Variants in ARHGEF28 observed in about 807,000 individuals in gnomAD.
ARHGEF28 encodes the protein Rho guanine nucleotide exchange factor 28.
ARHGEF28 carries 152 observed loss-of-function variants against 206.6 expected under a neutral mutation model. The ratio of observed to expected loss-of-function variants is 0.74; its 90% CI spans 0.64 to 0.84. ARHGEF28 has a LOEUF of 0.84. Among genes scored for constraint, ARHGEF28 ranks in the 40% least tolerant of loss-of-function variants. The pLI is 0.00. For missense variants in ARHGEF28, 2,028 were observed against 2,073.2 expected (o/e 0.98, Z 0.42); for synonymous variants, 763 against 776.4 (o/e 0.98, Z 0.29).
At chr5:73,671,982 C>A (rs954734471) in intron 1 of ARHGEF28, among the ~76,000 whole-genome samples, 2 of 151,408 alleles carry the variant, frequency 1.3e-5, no homozygotes, top group African/African-American at 4.9e-5. Flanking sequence ...GTCTTGAACT[C>A]CTGACCTCAG....
intron 2 of ARHGEF28, among the ~76,000 whole-genome samples, chr5:73,739,530 A>G (rs941777736): frequency 1.3e-5 from 2 of 152,178 alleles, no homozygotes; most frequent in Non-Finnish European, 2.9e-5. Flanking sequence ...TTAAAAAACA[A>G]ACCTGGGGCT....
chr5:73,914,391 C>CTTTTT (rs571265796), intron 35 of ARHGEF28, among the ~76,000 whole-genome samples: 11 of 102,934 alleles, frequency 1.1e-4, no homozygotes, highest in South Asian at 3.3e-4. Context: ...TTCTGAATTG[C>CTTTTT]TTTTTTTTTT....
At chr5:73,916,751 A>G (rs909896665) in intron 35 of ARHGEF28, among the ~76,000 whole-genome samples, 5 of 152,062 alleles carry the variant, frequency 3.3e-5, no homozygotes, top group Admixed American at 1.3e-4. Flanking sequence ...CAAAATGATG[A>G]TTTTTCTCCC....
chr5:73,719,873 G>A (rs577511992), intron 2 of ARHGEF28, among the ~76,000 whole-genome samples: 4 of 152,222 alleles, frequency 2.6e-5, no homozygotes, highest in South Asian at 2.1e-4. Flanking sequence ...TGTAATCGAG[G>A]CAAGGCAGTT....
In ARHGEF28 at chr5:73,820,739, G is replaced by C. The variant is rs370601080; in HGVS notation, c.1025-11599G>C. Among the ~76,000 whole-genome samples, 56 of 152,288 alleles carry C rather than the reference G, an allele frequency of 3.7e-4. 2 individuals carry two copies. Among genetic ancestry groups the C allele is most frequent in the African/African-American group, 1.3e-3 (54 of 41,550 alleles). ...ATGGTGGGCTTCATGGCAGGCCACAGGTGCTCAATTCAGGCCACTTCGTGT... is the reference window on the plus strand; with the variant it reads ...ATGGTGGGCTTCATGGCAGGCCACACGTGCTCAATTCAGGCCACTTCGTGT... On this transcript the variant is annotated intron_variant, in intron 9 of 35. Transcript: ENST00000513042.
At chr5:73,632,747 A>AT (rs1743446895) in intron 1 of ARHGEF28, among the ~76,000 whole-genome samples, 1 of 152,138 alleles carries the variant, frequency 6.6e-6, no homozygotes, top group Non-Finnish European at 1.5e-5. Flanking sequence ...ACATATTCCA[A>AT]TTCACTATTT....
intron 9 of ARHGEF28, among the ~76,000 whole-genome samples, chr5:73,823,067 T>C (rs1756692793): frequency 6.7e-6 from 1 of 149,520 alleles, no homozygotes; most frequent in Non-Finnish European, 1.5e-5. Context: ...GGAGATTGTA[T>C]ATGCAGCAGC....
rs1323354715 is a variant in ARHGEF28, at chr5:73,864,826, C to G, written c.2057C>G (p.Ala686Gly). ...TTTCCCTTTATTTCAGACTGTAATG[C>G]AAATGTGCACAAAGGTTGTAAAGAT... ...KESLQCSNCNANVHKGCKDAA... is the reference protein window; with the variant it reads ...KESLQCSNCNGNVHKGCKDAA... The change falls in exon 17 of 36, where the codon GCA becomes GGA. Residue 686 changes from alanine (A) to glycine (G), a missense_variant. By Grantham distance (60) the Ala-to-Gly change is moderately conservative. Around this residue, in one of 3 missense-constraint regions of ARHGEF28, gnomAD observed 1,002 missense variants for 1,015.3 expected, o/e 0.99. Transcript: ENST00000513042. 6.2e-7 allele frequency: 1 copy of G among 1,612,532 alleles called. No individual in the cohort carries two copies. The highest frequency in any genetic ancestry group is 1.3e-5 in the African/African-American group (1 of 74,866).
At chr5:73,687,667 A>G (rs964469303) in intron 2 of ARHGEF28, among the ~76,000 whole-genome samples, 4 of 151,910 alleles carry the variant, frequency 2.6e-5, no homozygotes, top group African/African-American at 9.7e-5. Context: ...TTTGGTAAAT[A>G]TTCACTTCTA....
At chr5:73,764,450 C>T (rs537572156) in intron 4 of ARHGEF28, among the ~76,000 whole-genome samples, 1 of 152,288 alleles carries the variant, frequency 6.6e-6, no homozygotes, top group East Asian at 1.9e-4. Flanking sequence ...TAAAGTATAT[C>T]TTGCCAATAT....
At chr5:73,626,999 A>G (rs1743053107) in intron 1 of ARHGEF28, 1 of 152,258 alleles carries the variant, frequency 6.6e-6, no homozygotes, top group Admixed American at 6.5e-5. Context: ...GTGTTTGGCC[A>G]AGAAAGCACC....
At chr5:73,940,693 C>T (rs557911446) in intron 35 of ARHGEF28, 151 bp from the exon 36 acceptor site, 198 of 512,248 alleles carry the variant, frequency 3.9e-4, no homozygotes, top group Non-Finnish European at 5.6e-4. Flanking sequence ...GATTTTGACA[C>T]CTATTATGTT....
chr5:73,818,405 C>T (rs1375496110), intron 9 of ARHGEF28, among the ~76,000 whole-genome samples: 1 of 151,996 alleles, frequency 6.6e-6, no homozygotes, highest in Non-Finnish European at 1.5e-5. Flanking sequence ...CCCTTCCTCC[C>T]TTTTGTCAAG....
intron 1 of ARHGEF28, among the ~76,000 whole-genome samples, chr5:73,677,247 T>C (rs1246141385): frequency 6.6e-6 from 1 of 152,228 alleles, no homozygotes; most frequent in Non-Finnish European, 1.5e-5. Flanking sequence ...GGCTTCTTCA[T>C]ATAACCTTGT....
intron 9 of ARHGEF28, among the ~76,000 whole-genome samples, chr5:73,800,185 C>T (rs756709044): frequency 2.0e-5 from 3 of 152,016 alleles, no homozygotes; most frequent in East Asian, 1.9e-4. Flanking sequence ...TTCTTTTTTA[C>T]GTAGCTGTGA....
rs1465010018 is a variant in ARHGEF28, at chr5:73,840,560, G to A, written c.1227G>A (p.Leu409=). The part of the protein sequence containing the change: ...TTSPESRGCT[L]WPQSSKHTLP... Reference sequence around the variant, plus strand: ...GCCCTGAATCCAGAGGTTGCACTCTGTGGCCTCAGAGCAGCAAACACACCC... The same window carrying A: ...GCCCTGAATCCAGAGGTTGCACTCTATGGCCTCAGAGCAGCAAACACACCC... Residue 409 remains leucine, a synonymous_variant, in exon 11 of 36, where the codon CTG becomes CTA. Transcript: ENST00000513042. 1.2e-6 allele frequency: 2 copies of A among 1,613,922 alleles called. No homozygotes were observed. Among genetic ancestry groups the A allele is most frequent in the Non-Finnish European group, 1.7e-6 (2 of 1,179,834 alleles).
At chr5:73,794,509 G>A (rs1214296493) in intron 8 of ARHGEF28, 55 bp downstream of exon 8, 1 of 1,397,894 alleles carries the variant, frequency 7.2e-7, no homozygotes, top group East Asian at 2.4e-5. Context: ...AAGTAGAAAT[G>A]AAGATTTAGT....
chr5:73,778,775 T>C (rs997049950), intron 6 of ARHGEF28, among the ~76,000 whole-genome samples: 3 of 152,230 alleles, frequency 2.0e-5, no homozygotes, highest in African/African-American at 7.2e-5. Flanking sequence ...TTATAGGTTG[T>C]CCACACTGAA....
chr5:73,744,544 T>TG (rs1488088343), intron 2 of ARHGEF28, among the ~76,000 whole-genome samples: 1 of 151,736 alleles, frequency 6.6e-6, no homozygotes, highest in Non-Finnish European at 1.5e-5. Flanking sequence ...CTGTATAGAT[T>TG]TTTTTTTCTT....
Sources: allele counts gnomAD v4.1 joint callset (sites outside exome capture counted in the v4.1 genomes callset), GRCh38; gene constraint gnomAD v4.1.1; regional missense constraint gnomAD v4.1.1; transcripts MANE v1.5; gene names NCBI Gene and HGNC (gene_info 2026-07-23, HGNC 2026-07-21).